Variants in EXOC6B observed in about 807,000 individuals in gnomAD.
EXOC6B encodes SEC15 homolog B.
EXOC6B carries 54 observed loss-of-function variants against 113.5 expected under a neutral mutation model. The observed-to-expected ratio is 0.48, with a 90% CI of 0.38 to 0.60. EXOC6B has a LOEUF of 0.60. Among genes scored for constraint, EXOC6B ranks in the 20% least tolerant of loss-of-function variants. The pLI is 0.00. For synonymous variants in EXOC6B, 357 were observed against 339.0 expected (o/e 1.05, Z -0.58); for missense variants, 797 against 977.5 (o/e 0.82, Z 2.46).
intron 18 of EXOC6B, among the ~76,000 whole-genome samples, chr2:72,451,692 C>A (rs1391974087): frequency 9.6e-6 from 1 of 104,462 alleles, no homozygotes; most frequent in African/African-American, 6.3e-5. Context: ...GTGTGTGTAT[C>A]CCTAATCACT....
chr2:72,542,007 C>G (rs888479653), intron 8 of EXOC6B, among the ~76,000 whole-genome samples: 1 of 152,152 alleles, frequency 6.6e-6, no homozygotes, highest in Non-Finnish European at 1.5e-5. Context: ...AGTATATCAA[C>G]ATTTCTTATA....
At chr2:72,520,439 A>G (rs1701426817) in intron 8 of EXOC6B, among the ~76,000 whole-genome samples, 2 of 152,174 alleles carry the variant, frequency 1.3e-5, no homozygotes, top group East Asian at 1.9e-4. Context: ...TTTGATTCCT[A>G]TAGAAAATCA....
At chr2:72,619,600 T>C (rs565981166) in intron 6 of EXOC6B, among the ~76,000 whole-genome samples, 1 of 152,190 alleles carries the variant, frequency 6.6e-6, no homozygotes, top group African/African-American at 2.4e-5. Flanking sequence ...CCACCATAAT[T>C]TGGGCAGATC....
chr2:72,543,873 T>G (rs1702757479), intron 8 of EXOC6B, among the ~76,000 whole-genome samples: 1 of 152,198 alleles, frequency 6.6e-6, no homozygotes, highest in Admixed American at 6.5e-5. Flanking sequence ...GACAACCTGT[T>G]AAGTGTCAGA....
chr2:72,489,095 T>C (rs566188593), intron 16 of EXOC6B, among the ~76,000 whole-genome samples: 23 of 152,260 alleles, frequency 1.5e-4, no homozygotes, highest in African/African-American at 5.5e-4. Context: ...CAATAATAAC[T>C]TACCCTCGAG....
chr2:72,615,875 GA>G (rs1007748045), intron 6 of EXOC6B, among the ~76,000 whole-genome samples: 6 of 152,092 alleles, frequency 3.9e-5, no homozygotes, highest in African/African-American at 1.2e-4. Flanking sequence ...ACCTTCCAGT[GA>G]AACAAAATGT....
chr2:72,283,223 A>G (rs1421779893), intron 20 of EXOC6B, among the ~76,000 whole-genome samples: 1 of 152,158 alleles, frequency 6.6e-6, no homozygotes, highest in Non-Finnish European at 1.5e-5. Flanking sequence ...CTGTAAAATC[A>G]AGCTAGAAAT....
At chr2:72,589,693 T>C (rs749198527) in intron 6 of EXOC6B, among the ~76,000 whole-genome samples, 2 of 151,912 alleles carry the variant, frequency 1.3e-5, no homozygotes, top group Non-Finnish European at 2.9e-5. Flanking sequence ...ATCTAAAAGG[T>C]TGTTGTGAGT....
rs114730403 is a variant in EXOC6B at position 72,557,651 on chromosome 2, G to A, written c.915+1802C>T. Among the ~76,000 whole-genome samples the A allele has an allele frequency of 3.1e-3, 467 of 152,212 alleles. 1 individual carries two copies. The highest frequency in any genetic ancestry group is 0.01 in the African/African-American group (425 of 41,556). ...AATAGACAGTAAGGTCTACTTGAGGGTGGAGGGTGGAGGATGGGAGGAGAG... is the reference window on the plus strand; with the variant it reads ...AATAGACAGTAAGGTCTACTTGAGGATGGAGGGTGGAGGATGGGAGGAGAG... On this transcript the variant is annotated intron_variant, in intron 8 of 21. Transcript: ENST00000272427.
intron 18 of EXOC6B, among the ~76,000 whole-genome samples, chr2:72,460,523 C>CA: frequency 6.6e-6 from 1 of 152,150 alleles, no homozygotes; most frequent in Admixed American, 6.5e-5. Flanking sequence ...AAAAAACAAA[C>CA]AACCCCATCA....
At chr2:72,756,865 G>A (rs1682445651) in intron 1 of EXOC6B, among the ~76,000 whole-genome samples, 1 of 152,026 alleles carries the variant, frequency 6.6e-6, no homozygotes. Context: ...AAGAGGAAGA[G>A]GAGAGTAAGA....
chr2:72,564,273 C>T (rs147842090), intron 7 of EXOC6B, among the ~76,000 whole-genome samples: 267 of 152,278 alleles, frequency 1.8e-3, no homozygotes, highest in Admixed American at 3.6e-3. Context: ...CACAGACACA[C>T]ACACTCTCTC....
rs73942538 is a variant in EXOC6B at position 72,186,703 on chromosome 2, C to T, written c.2197-2516G>A. 4.8e-3 allele frequency among the ~76,000 whole-genome samples: 726 copies of T among 152,190 alleles called. 4 individuals carry two copies. The highest frequency in any genetic ancestry group is 0.034 in the Middle Eastern group (10 of 294). ...ATATACATGCATGTAATAAAACTAC[C>T]TTCTTTTTAAATGAATTCCTAATTT... On this transcript the variant is annotated intron_variant, in intron 20 of 21. Coordinates refer to ENST00000272427, the MANE Select transcript of EXOC6B (RefSeq NM_015189.3).
At chr2:72,667,827 G>A (rs1286600042) in intron 6 of EXOC6B, among the ~76,000 whole-genome samples, 3 of 152,088 alleles carry the variant, frequency 2.0e-5, no homozygotes, top group African/African-American at 7.2e-5. Context: ...AGAATTTATG[G>A]CTAAGTCCTC....
At chr2:72,755,052 T>TAC (rs1206891902) in intron 1 of EXOC6B, among the ~76,000 whole-genome samples, 1 of 152,154 alleles carries the variant, frequency 6.6e-6, no homozygotes, top group African/African-American at 2.4e-5. Flanking sequence ...TCCTTAACAG[T>TAC]CATGGTATAA....
intron 6 of EXOC6B, among the ~76,000 whole-genome samples, chr2:72,575,912 C>T (rs184549366): frequency 1.0e-3 from 158 of 152,226 alleles, no homozygotes; most frequent in Non-Finnish European, 1.8e-3. Context: ...TATTTTAACT[C>T]ATTTTCCAAG....
chr2:72,441,777 G>C (rs1696215395), intron 18 of EXOC6B, among the ~76,000 whole-genome samples: 1 of 151,048 alleles, frequency 6.6e-6, no homozygotes, highest in Non-Finnish European at 1.5e-5. Flanking sequence ...CCAACAAAAA[G>C]AAAAGCCCAG....
intron 20 of EXOC6B, among the ~76,000 whole-genome samples, chr2:72,275,141 G>A (rs10192800): frequency 0.45 from 68,697 of 152,008 alleles, 20,273 homozygotes; most frequent in African/African-American, 0.84. Flanking sequence ...TCGATTATGT[G>A]AGCTAGTAAT....
intron 1 of EXOC6B, among the ~76,000 whole-genome samples, chr2:72,753,133 T>A (rs945741970): frequency 6.6e-6 from 1 of 151,970 alleles, no homozygotes; most frequent in African/African-American, 2.4e-5. Flanking sequence ...CGGCTGGGCA[T>A]GGTGGCATGT....
Sources: allele counts gnomAD v4.1 joint callset (sites outside exome capture counted in the v4.1 genomes callset), GRCh38; gene constraint gnomAD v4.1.1; transcripts MANE v1.5; gene names NCBI Gene and HGNC (gene_info 2026-07-23, HGNC 2026-07-21).